CD200R1: variants seen among roughly 807,000 people sequenced by gnomAD.
CD200R1 encodes the protein cell surface glycoprotein CD200 receptor 1.
In CD200R1, 30 loss-of-function variants were observed where a neutral mutation model predicts 38.1. That is an observed-to-expected ratio of 0.79 (90% CI 0.59 to 1.07). The LOEUF is 1.07. Ranked by LOEUF, CD200R1 falls within the 50% of genes least tolerant of loss-of-function variation. The probability of loss-of-function intolerance (pLI) is 0.00; values close to 1 mark genes in which losing one functional copy is unlikely to be tolerated. For missense variants in CD200R1, 372 were observed against 415.4 expected, an observed-to-expected ratio of 0.90 and a Z score of 0.91; for synonymous variants, 128 against 152.1, an observed-to-expected ratio of 0.84 and a Z score of 1.16.
chr3:112,927,852 C>T (rs7432373), intron 5 of CD200R1, among the ~76,000 whole-genome samples: 36,558 of 151,970 alleles, frequency 0.24, 5,044 homozygotes, highest in Non-Finnish European at 0.31. Flanking sequence ...TAGGTACATA[C>T]ATTCTTAAGG....
rs962339907 is a variant in CD200R1, at chr3:112,974,738, G to C, written c.67+53C>G. Reference sequence around the variant, plus strand: ...GAAGAAAGACAAAAAATAAACTCAGGAAGAGCTGAGACCAGGTTTCTCACT... The same window carrying C: ...GAAGAAAGACAAAAAATAAACTCAGCAAGAGCTGAGACCAGGTTTCTCACT... On this transcript the variant is annotated intron_variant, in intron 1 of 7. Transcript: ENST00000308611. 6 of 1,167,172 alleles carry C rather than the reference G, an allele frequency of 5.1e-6. No homozygotes were observed. The African/African-American group carries it at 7.5e-5, about 15-fold the overall frequency. The allele number at this position is 1,167,172 out of a possible 1,614,324, so 72.3% of individuals were successfully genotyped here.
intron 1 of CD200R1, among the ~76,000 whole-genome samples, chr3:112,961,167 T>G (rs545420202): frequency 6.6e-6 from 1 of 152,204 alleles, no homozygotes; most frequent in Non-Finnish European, 1.5e-5. Context: ...TTTCATTTAT[T>G]ACCCCTGGAA....
At chr3:112,940,158 C>T (rs990796574) in intron 2 of CD200R1, among the ~76,000 whole-genome samples, 13 of 151,570 alleles carry the variant, frequency 8.6e-5, no homozygotes, top group African/African-American at 2.9e-4. Context: ...TCACCCCATA[C>T]AAAAATCAAC....
chr3:112,925,778 T>TAA (rs1204906780), intron 5 of CD200R1, among the ~76,000 whole-genome samples: 9 of 152,172 alleles, frequency 5.9e-5, no homozygotes, highest in Non-Finnish European at 2.9e-5. Context: ...CTACTAAAAA[T>TAA]AAAGTTATCT....
intron 1 of CD200R1, among the ~76,000 whole-genome samples, chr3:112,965,337 C>T (rs1484917007): frequency 2.0e-5 from 3 of 152,126 alleles, no homozygotes; most frequent in Admixed American, 6.5e-5. Context: ...ATGGAGTCAA[C>T]AAATGTAGAC....
rs1940343363 is a variant in CD200R1 at position 112,928,890 on chromosome 3, T to G, written c.695A>C (p.His232Pro). The G allele has an allele frequency of 6.2e-7, 1 of 1,613,898 alleles. No individual in the cohort carries two copies. The change falls in exon 5 of 8, where the codon CAC (histidine) becomes CCC (proline). Residue 232 changes from histidine to proline, a missense_variant. By Grantham distance (77) the His-to-Pro change is moderately conservative. Transcript: ENST00000308611. ...TVKSTCHWEV[H>P]NVSTVTCHVS... ...GTGGCAGGTCACGGTAGACACATTG[T>G]GGACCTCCCAGTGGCATGTACTCTT...
chr3:112,958,960 C>G (rs897428653), intron 1 of CD200R1, among the ~76,000 whole-genome samples: 12 of 152,008 alleles, frequency 7.9e-5, no homozygotes, highest in Admixed American at 7.9e-4. Flanking sequence ...CCCTGCAGAC[C>G]CATACTTCAT....
intron 1 of CD200R1, among the ~76,000 whole-genome samples, chr3:112,965,315 T>C (rs758758798): frequency 6.6e-6 from 1 of 152,180 alleles, no homozygotes; most frequent in Non-Finnish European, 1.5e-5. Flanking sequence ...TGAAAGGGGC[T>C]GATCAGAGGT....
intron 1 of CD200R1, among the ~76,000 whole-genome samples, chr3:112,964,365 A>T (rs1933103548): frequency 6.6e-6 from 1 of 152,244 alleles, no homozygotes. Context: ...TCATGAAAGC[A>T]GCCAGGAGGG....
intron 2 of CD200R1, among the ~76,000 whole-genome samples, chr3:112,947,601 T>C (rs1263313781): frequency 6.6e-6 from 1 of 152,176 alleles, no homozygotes; most frequent in Admixed American, 6.5e-5. Context: ...TCTGGGATAA[T>C]AATCTAGGTT....
At chr3:112,938,421 A>G (rs1243966943) in intron 2 of CD200R1, among the ~76,000 whole-genome samples, 1 of 152,120 alleles carries the variant, frequency 6.6e-6, no homozygotes. Flanking sequence ...AACAAAAAGG[A>G]GACATAATAA....
chr3:112,931,210 T>A (rs778522473), intron 2 of CD200R1, 39 bp from the exon 3 acceptor site: 10 of 1,337,736 alleles, frequency 7.5e-6, no homozygotes, highest in Non-Finnish European at 1.1e-6. Flanking sequence ...AAATCAATTT[T>A]ATGTACTCAG....
chr3:112,928,868 G>T lies in CD200R1; in HGVS notation c.717C>A (p.Cys239Ter), dbSNP rs750345697. 2.6e-5 allele frequency: 42 copies of T among 1,613,866 alleles called. No homozygotes were observed. The highest frequency in any genetic ancestry group is 3.5e-5 in the Non-Finnish European group (41 of 1,179,974). The change falls in exon 5 of 8, where the codon TGC becomes TGA. Residue 239 changes from cysteine (C) to a stop codon, truncating the protein, a stop_gained. Transcript: ENST00000308611. LOFTEE classifies it high-confidence loss of function. ...TGTTGCCAGTCAAATGGGAGACGTG[G>T]CAGGTCACGGTAGACACATTGTGGA... ...WEVHNVSTVT[C>*]HVSHLTGNKS...
intron 1 of CD200R1, among the ~76,000 whole-genome samples, chr3:112,955,835 T>C (rs1314453655): frequency 6.6e-6 from 1 of 152,022 alleles, no homozygotes; most frequent in East Asian, 1.9e-4. Context: ...CCTACTCTTT[T>C]CTGGCCCATA....
intron 1 of CD200R1, among the ~76,000 whole-genome samples, chr3:112,952,055 AAAGAG>A (rs1178421263): frequency 1.3e-5 from 2 of 151,450 alleles, no homozygotes; most frequent in African/African-American, 2.4e-5. Context: ...AAAAAAAAAA[AAAGAG>A]AGAAAAATTT....
chr3:112,968,425 T>C (rs1259341697), intron 1 of CD200R1, among the ~76,000 whole-genome samples: 1 of 152,160 alleles, frequency 6.6e-6, no homozygotes, highest in African/African-American at 2.4e-5. Flanking sequence ...CTATAAATTG[T>C]GGACAAAATA....
intron 1 of CD200R1, among the ~76,000 whole-genome samples, chr3:112,953,235 C>T (rs2039152560): frequency 6.6e-6 from 1 of 152,144 alleles, no homozygotes; most frequent in African/African-American, 2.4e-5. Context: ...ATTCTTCATT[C>T]TGTTCCTGTG....
At chr3:112,947,729 C>A in intron 2 of CD200R1, 127 bp downstream of exon 2, 1 of 575,786 alleles carries the variant, frequency 1.7e-6, no homozygotes, top group South Asian at 2.6e-5. Context: ...TTTATTAACA[C>A]TCTTAAATAT....
At chr3:112,924,052 A>C (rs1940229138) in intron 7 of CD200R1, among the ~76,000 whole-genome samples, 1 of 151,940 alleles carries the variant, frequency 6.6e-6, no homozygotes, top group African/African-American at 2.4e-5. Flanking sequence ...GAATGAAGTG[A>C]TATGAGTACT....
Sources: allele counts gnomAD v4.1 joint callset (sites outside exome capture counted in the v4.1 genomes callset), GRCh38; gene constraint gnomAD v4.1.1; transcripts MANE v1.5; gene names NCBI Gene and HGNC (gene_info 2026-07-23, HGNC 2026-07-21).